GFRA2: variants seen among roughly 807,000 people sequenced by gnomAD.
GFRA2 encodes the protein GDNF family receptor alpha-2.
In GFRA2, 17 loss-of-function variants were observed where a neutral mutation model predicts 48.3. That is an observed-to-expected ratio of 0.35 (90% CI 0.24 to 0.53). GFRA2 has a LOEUF of 0.53. Among genes scored for constraint, GFRA2 ranks in the 20% least tolerant of loss-of-function variants. The pLI is 0.93. For missense variants in GFRA2, 660 were observed against 637.3 expected (o/e 1.04, Z -0.38); for synonymous variants, 305 against 257.2 (o/e 1.19, Z -1.78).
At chr8:21,789,447 G>A (rs1807461302), upstream of GFRA2, among the ~76,000 whole-genome samples, 1 of 152,090 alleles carries the variant, frequency 6.6e-6, no homozygotes. Context: ...GCCATCCGGG[G>A]GCTCGGGGGG....
chr8:21,798,983 C>A (rs964159132), intron 2 of GFRA2, among the ~76,000 whole-genome samples: 2 of 152,182 alleles, frequency 1.3e-5, no homozygotes, highest in African/African-American at 4.8e-5. Flanking sequence ...ATCACCATAG[C>A]CTTAGGGGCT....
At position 21,750,088 on chromosome 8, in the gene GFRA2, TACACAC is replaced by T. The variant is rs531507245; in HGVS notation, c.794+494_794+499del. Among the ~76,000 whole-genome samples the T allele has an allele frequency of 2.0e-5, 3 of 147,498 alleles. No individual in the cohort carries two copies. Among genetic ancestry groups the T allele is most frequent in the Non-Finnish European group, 3.0e-5 (2 of 66,504 alleles). On this transcript the variant is annotated intron_variant, in intron 4 of 8. Coordinates refer to ENST00000524240, the MANE Select transcript of GFRA2 (RefSeq NM_001495.5). The surrounding 1 kb of genome is among the most constrained non-coding windows in gnomAD (Gnocchi z 5.7). ...GTGTATATATGTGTGTGTGTGTGTA[TACACAC>T]ACACACACACACACACGCACATATA...
intron 1 of GFRA2, among the ~76,000 whole-genome samples, chr8:21,783,632 C>G (rs986520555): frequency 3.9e-5 from 6 of 152,180 alleles, no homozygotes; most frequent in Admixed American, 2.0e-4. Flanking sequence ...CCCTTTCCCC[C>G]CTCACCCCTC....
intron 3 of GFRA2, among the ~76,000 whole-genome samples, chr8:21,752,339 C>T (rs1805334150): frequency 1.3e-5 from 2 of 152,082 alleles, no homozygotes; most frequent in Admixed American, 6.6e-5. Flanking sequence ...TGTTTGGCCC[C>T]ACCTGTCTGA....
At chr8:21,696,498 C>T (rs1321020673) in intron 7 of GFRA2, among the ~76,000 whole-genome samples, 2 of 152,140 alleles carry the variant, frequency 1.3e-5, no homozygotes, top group East Asian at 3.9e-4. Flanking sequence ...GCACAATGTG[C>T]TGTGGCTGTG....
intron 4 of GFRA2, among the ~76,000 whole-genome samples, chr8:21,725,493 CTGTT>C (rs1174883318): frequency 1.3e-5 from 2 of 152,256 alleles, no homozygotes; most frequent in African/African-American, 4.8e-5. Flanking sequence ...TATTTTTATG[CTGTT>C]TGTTTTCTAT....
chr8:21,754,477 T>C (rs369791363), intron 3 of GFRA2, among the ~76,000 whole-genome samples: 88 of 152,036 alleles, frequency 5.8e-4, no homozygotes, highest in African/African-American at 2.0e-3. Context: ...CCCAACACTT[T>C]GTCTGACCAA....
At chr8:21,780,016 T>C (rs1806896802) in intron 2 of GFRA2, among the ~76,000 whole-genome samples, 2 of 151,342 alleles carry the variant, frequency 1.3e-5, no homozygotes, top group Admixed American at 6.6e-5. Flanking sequence ...CCATCACTAC[T>C]GTCCGATGTT....
chr8:21,751,752 G>A (rs1405910323), intron 3 of GFRA2, among the ~76,000 whole-genome samples: 1 of 152,172 alleles, frequency 6.6e-6, no homozygotes, highest in African/African-American at 2.4e-5. Context: ...GTGACTGACT[G>A]ACCACTTACA....
chr8:21,736,239 GAC>G (rs1804457711), intron 4 of GFRA2, among the ~76,000 whole-genome samples: 1 of 152,074 alleles, frequency 6.6e-6, no homozygotes, highest in Non-Finnish European at 1.5e-5. Flanking sequence ...CATCCACAGG[GAC>G]ACACACCCAT....
upstream of GFRA2, among the ~76,000 whole-genome samples, chr8:21,793,066 C>CA (rs201302835): frequency 1.2e-4 from 18 of 146,482 alleles, no homozygotes; most frequent in South Asian, 4.3e-4. Context: ...GACCCTGCCT[C>CA]AAAAAAAAAA....
At chr8:21,804,454 G>A (rs2117117640) in intron 2 of GFRA2, among the ~76,000 whole-genome samples, 1 of 149,576 alleles carries the variant, frequency 6.7e-6, no homozygotes, top group African/African-American at 2.4e-5. Flanking sequence ...AAAACAAACT[G>A]GTGCATTAGA....
intron 3 of GFRA2, chr8:21,769,219 T>C (rs1806324088): frequency 2.0e-6 from 2 of 980,916 alleles, no homozygotes; most frequent in African/African-American, 1.8e-5. Context: ...GAACAAAACA[T>C]GCTCCTCCGA....
At chr8:21,695,897 G>A (rs1257078179) in intron 7 of GFRA2, among the ~76,000 whole-genome samples, 1 of 152,104 alleles carries the variant, frequency 6.6e-6, no homozygotes, top group African/African-American at 2.4e-5. Flanking sequence ...GTCTGTGCCT[G>A]TGGCCTGACA....
intron 2 of GFRA2, among the ~76,000 whole-genome samples, chr8:21,775,494 A>G (rs1806648687): frequency 6.6e-6 from 1 of 152,178 alleles, no homozygotes; most frequent in African/African-American, 2.4e-5. Context: ...GGTGGCCCGG[A>G]GAGGTGAAGA....
intron 7 of GFRA2, among the ~76,000 whole-genome samples, chr8:21,696,344 T>C (rs187213596): frequency 6.6e-6 from 1 of 152,040 alleles, no homozygotes; most frequent in African/African-American, 2.4e-5. Flanking sequence ...TTTTGTATAT[T>C]GGAGTCTTAG....
intron 2 of GFRA2, among the ~76,000 whole-genome samples, chr8:21,797,125 T>G (rs1186819803): frequency 2.6e-5 from 4 of 152,164 alleles, no homozygotes; most frequent in Non-Finnish European, 4.4e-5. Flanking sequence ...GCTTAAATGC[T>G]TTAGTAAAAT....
At chr8:21,710,246 G>A (rs1034662138) in intron 4 of GFRA2, among the ~76,000 whole-genome samples, 9 of 152,236 alleles carry the variant, frequency 5.9e-5, no homozygotes, top group African/African-American at 2.2e-4. Flanking sequence ...CTGCGACAGA[G>A]AGCTAAGGAG....
chr8:21,756,940 G>A (rs1407977149), intron 3 of GFRA2, among the ~76,000 whole-genome samples: 1 of 152,186 alleles, frequency 6.6e-6, no homozygotes, highest in African/African-American at 2.4e-5. Flanking sequence ...CTGGCTGAGA[G>A]CAGCCTTGAT....
Sources: allele counts gnomAD v4.1 joint callset (sites outside exome capture counted in the v4.1 genomes callset), GRCh38; gene constraint gnomAD v4.1.1; non-coding constraint Gnocchi (gnomAD v3.1); transcripts MANE v1.5; gene names NCBI Gene and HGNC (gene_info 2026-07-23, HGNC 2026-07-21).